Variants in DRC12 observed in about 807,000 individuals in gnomAD.
The protein encoded by DRC12 is dynein regulatory complex subunit 12 homolog, also known as dynein regulatory complex protein 12.
the DRC12 span, among the ~76,000 whole-genome samples, chr11:119,194,648 A>G: frequency 2.6e-5 from 4 of 151,564 alleles, no homozygotes; most frequent in Admixed American, 2.6e-4. Context: ...TAGAGATTAC[A>G]GTGGACTATG....
At chr11:119,192,935 C>T in the DRC12 span, among the ~76,000 whole-genome samples, 6 of 152,196 alleles carry the variant, frequency 3.9e-5, no homozygotes, top group South Asian at 2.1e-4. Flanking sequence ...CCTGAGCCAC[C>T]GCGCCTGGAG....
At chr11:119,190,520 G>A in the DRC12 span, 112 of 1,599,946 alleles carry the variant, frequency 7.0e-5, no homozygotes, top group Non-Finnish European at 9.2e-5. This position sits in a 1 kb window ranked among gnomAD's most constrained non-coding sequence, Gnocchi z 4.2. Context: ...CCCCAGGTTG[G>A]TTCATAAGCT....
At chr11:119,194,311 G>A in the DRC12 span, among the ~76,000 whole-genome samples, 2 of 151,892 alleles carry the variant, frequency 1.3e-5, no homozygotes, top group South Asian at 2.1e-4. Flanking sequence ...TCAAGAGTTC[G>A]AGACCAGCCT....
the DRC12 span, chr11:119,190,543 T>C: frequency 6.3e-7 from 1 of 1,576,076 alleles, no homozygotes; most frequent in Non-Finnish European, 8.7e-7. This position sits in a 1 kb window ranked among gnomAD's most constrained non-coding sequence, Gnocchi z 4.2. Flanking sequence ...CCTTGCCCAG[T>C]AGACATGGTC....
At chr11:119,191,104 C>CTTT in the DRC12 span, among the ~76,000 whole-genome samples, 1 of 143,468 alleles carries the variant, frequency 7.0e-6, no homozygotes, top group Non-Finnish European at 1.5e-5. Flanking sequence ...GTGTCTTCAT[C>CTTT]TTTTTTTTTT....
chr11:119,194,124 C>T, the DRC12 span, among the ~76,000 whole-genome samples: 2 of 152,122 alleles, frequency 1.3e-5, no homozygotes, highest in South Asian at 4.1e-4. Flanking sequence ...GTGGCTCATG[C>T]CTGTAATCCC....
the DRC12 span, chr11:119,195,123 G>T: frequency 6.4e-5 from 48 of 751,902 alleles, no homozygotes; most frequent in Non-Finnish European, 4.4e-6. Context: ...GGTATCCACA[G>T]TGGCAGAGTC....
chr11:119,190,447 A>G, the DRC12 span: 13 of 1,614,024 alleles, frequency 8.1e-6, no homozygotes, highest in East Asian at 2.9e-4. This position sits in a 1 kb window ranked among gnomAD's most constrained non-coding sequence, Gnocchi z 4.2. Flanking sequence ...GCCTGTCCAG[A>G]CTGTCCTGCA....
the DRC12 span, chr11:119,193,842 G>A: frequency 7.7e-6 from 12 of 1,551,606 alleles, no homozygotes; most frequent in Non-Finnish European, 8.7e-6. Context: ...GCCTCAGCTG[G>A]TCTTCGGAAG....
At chr11:119,193,490 G>A in the DRC12 span, 1 of 1,216,614 alleles carries the variant, frequency 8.2e-7, no homozygotes, top group Non-Finnish European at 1.1e-6. Context: ...CCCGCCCATG[G>A]GCTGATTGAG....
At chr11:119,193,992 TC>T in the DRC12 span, 1 of 1,098,850 alleles carries the variant, frequency 9.1e-7, no homozygotes, top group Non-Finnish European at 1.3e-6. Context: ...TGGTGGGGTG[TC>T]CAGCCTCTTA....
At chr11:119,193,230 C>G in the DRC12 span, 2 of 1,614,078 alleles carry the variant, frequency 1.2e-6, no homozygotes, top group Non-Finnish European at 1.7e-6. Flanking sequence ...GGGCATGGCA[C>G]TGGCGACTCA....
chr11:119,193,431 C>T, the DRC12 span: 26 of 891,126 alleles, frequency 2.9e-5, no homozygotes, highest in East Asian at 1.3e-4. Context: ...ACAGGAAGCC[C>T]GACCTACCTC....
the DRC12 span, among the ~76,000 whole-genome samples, chr11:119,191,760 A>G: frequency 2.0e-5 from 3 of 151,894 alleles, no homozygotes; most frequent in African/African-American, 7.2e-5. Flanking sequence ...GTGAGCCGAG[A>G]TTTGCCATTG....
chr11:119,194,898 C>T, the DRC12 span: 7 of 1,540,972 alleles, frequency 4.5e-6, no homozygotes, highest in African/African-American at 4.1e-5. Context: ...TGTTGCCCAC[C>T]CATGCCAGCT....
the DRC12 span, among the ~76,000 whole-genome samples, chr11:119,194,541 A>G: frequency 0.03 from 1,947 of 65,822 alleles, 176 homozygotes; most frequent in African/African-American, 0.059. Flanking sequence ...AAAAAAAAAA[A>G]AAAATAAATA....
At chr11:119,195,434 TTTC>T in the DRC12 span, 3 of 1,551,398 alleles carry the variant, frequency 1.9e-6, no homozygotes, top group Middle Eastern at 1.7e-4. Context: ...CCCAGTTCTT[TTTC>T]TTCTTCTGTG....
At chr11:119,193,221 G>A in the DRC12 span, 2 of 1,614,094 alleles carry the variant, frequency 1.2e-6, no homozygotes, top group African/African-American at 1.3e-5. Context: ...CCTCCTGCAG[G>A]GCATGGCACT....
At chr11:119,195,595 G>C in the DRC12 span, 16 of 860,696 alleles carry the variant, frequency 1.9e-5, no homozygotes, top group Non-Finnish European at 2.8e-5. Context: ...GTCCAAATTT[G>C]TCTCTCATAT....
Sources: gnomAD v4.1 joint callset for allele counts (sites outside exome capture counted in the v4.1 genomes callset) on GRCh38, gnomAD v4.1.1 for gene constraint, Gnocchi (gnomAD v3.1) non-coding constraint, MANE v1.5 for transcripts, NCBI Gene and HGNC (gene_info 2026-07-23, HGNC 2026-07-21) for gene names.